The following RIPOR3 variants were observed in gnomAD, a reference collection of about 807,000 sequenced individuals.
RIPOR3 encodes the protein RIPOR family member 3.
In RIPOR3, 95 loss-of-function variants were observed where a neutral mutation model predicts 114.3. The ratio of observed to expected loss-of-function variants is 0.83; its 90% CI spans 0.70 to 0.99. The LOEUF (loss-of-function observed/expected upper bound fraction) is 0.99. Ranked by LOEUF, RIPOR3 falls within the 50% of genes least tolerant of loss-of-function variation. The pLI, the probability that RIPOR3 is intolerant of heterozygous loss-of-function variation, is 0.00. For synonymous variants in RIPOR3, 575 were observed against 543.8 expected (o/e 1.06, Z -0.80); for missense variants, 1,252 against 1,266.9 (o/e 0.99, Z 0.18).
At chr20:50,673,942 T>C (rs147728386) in intron 1 of RIPOR3, among the ~76,000 whole-genome samples, 1 of 152,312 alleles carries the variant, frequency 6.6e-6, no homozygotes, top group Non-Finnish European at 1.5e-5. Flanking sequence ...CCCAAAATGT[T>C]ACCAGATGTC....
chr20:50,600,929 T>C (rs1426763162), intron 13 of RIPOR3, among the ~76,000 whole-genome samples: 2 of 152,244 alleles, frequency 1.3e-5, no homozygotes, highest in Non-Finnish European at 2.9e-5. Flanking sequence ...CTATGTTGAT[T>C]TGTCCTGTTG....
chr20:50,686,519 C>T (rs986051988), intron 1 of RIPOR3, among the ~76,000 whole-genome samples: 3 of 151,884 alleles, frequency 2.0e-5, no homozygotes, highest in African/African-American at 4.8e-5. Flanking sequence ...GAGGCCTACG[C>T]GGGTAGATCA....
At chr20:50,599,371 AAC>A (rs774429062) in intron 13 of RIPOR3, among the ~76,000 whole-genome samples, 1 of 152,018 alleles carries the variant, frequency 6.6e-6, no homozygotes, top group Non-Finnish European at 1.5e-5. Context: ...CAGCCTGGAC[AAC>A]AGAGTGAGAC....
chr20:50,666,625 T>A (rs2086258513), intron 1 of RIPOR3, among the ~76,000 whole-genome samples: 1 of 151,474 alleles, frequency 6.6e-6, no homozygotes, highest in Non-Finnish European at 1.5e-5. Context: ...AGTGCGGTGG[T>A]GCCATCTCAG....
intron 4 of RIPOR3, among the ~76,000 whole-genome samples, chr20:50,614,962 C>G (rs1380638037): frequency 6.6e-6 from 1 of 151,834 alleles, no homozygotes; most frequent in Non-Finnish European, 1.5e-5. Flanking sequence ...GAGGCTGAGG[C>G]AGGACAATCG....
At position 50,604,659 on chromosome 20, in the gene RIPOR3, C is replaced by T. The variant is rs2083635757; in HGVS notation, c.1072G>A (p.Glu358Lys). 1.9e-6 allele frequency: 3 copies of T among 1,607,738 alleles called. No homozygotes were observed. The highest frequency in any genetic ancestry group is 1.3e-5 in the African/African-American group (1 of 74,338). ...WTPPSTPSFR[E>K]RYYLSVLQQP... ...GGCTCACTCACCAGGTAGTATCTCT[C>T]CCGGAAGCTGGGGGTGCTCGGGGGT... Residue 358 changes from glutamate to lysine, a missense_variant, in exon 12 of 22, where the codon GAG becomes AAG. Transcript: ENST00000327979.
chr20:50,594,572 G>A lies in RIPOR3; in HGVS notation c.2193C>T (p.Tyr731=). 1 of 1,614,074 alleles carries A rather than the reference G, an allele frequency of 6.2e-7. No homozygotes were observed. Among genetic ancestry groups the A allele is most frequent in the Non-Finnish European group, 8.5e-7 (1 of 1,179,988 alleles). ...ACCCACCTATTTCCAGCTGTCCTGG[G>A]TACTTCCCTCTGACTCTGTGCTGGA... is the stretch of plus-strand genomic sequence containing the variant. ...KTFQHRVRGK[Y]PGQLEIACRR... The change falls in exon 17 of 22, where the codon TAC becomes TAT. Residue 731 remains tyrosine, a synonymous_variant. Coordinates refer to ENST00000327979, the MANE Select transcript of RIPOR3 (RefSeq NM_001290268.2).
At chr20:50,664,021 G>A (rs920886805) in intron 1 of RIPOR3, among the ~76,000 whole-genome samples, 2 of 150,380 alleles carry the variant, frequency 1.3e-5, no homozygotes, top group Non-Finnish European at 2.9e-5. Context: ...CCGCCTCCCG[G>A]CTTCAAGCGA....
At chr20:50,644,837 A>ATT (rs1201285050) in intron 1 of RIPOR3, among the ~76,000 whole-genome samples, 2 of 106,708 alleles carry the variant, frequency 1.9e-5, no homozygotes, top group African/African-American at 1.1e-4. Flanking sequence ...TTTATTTTTT[A>ATT]TTTTTTATTT....
chr20:50,588,493 C>T (rs902655351), intron 20 of RIPOR3, among the ~76,000 whole-genome samples: 3 of 152,184 alleles, frequency 2.0e-5, no homozygotes, highest in African/African-American at 7.2e-5. Flanking sequence ...AAGCGGGCAT[C>T]CCCTCACATC....
intron 2 of RIPOR3, among the ~76,000 whole-genome samples, chr20:50,620,521 G>A (rs752949797): frequency 6.6e-5 from 10 of 152,040 alleles, no homozygotes; most frequent in African/African-American, 9.7e-5. Context: ...CACTTACTCC[G>A]GAGGCTGAGG....
chr20:50,640,765 G>A (rs1300612423), intron 1 of RIPOR3, among the ~76,000 whole-genome samples: 1 of 152,000 alleles, frequency 6.6e-6, no homozygotes, highest in Non-Finnish European at 1.5e-5. Flanking sequence ...TCCATTAGAC[G>A]CACAGGCCCA....
chr20:50,602,703 C>A lies in RIPOR3; in HGVS notation c.1087-59G>T, dbSNP rs2083551067. ...CACCCCAGGGACCACAGCAAGTCCC[C>A]CAGAGGGGCTTCCCCTGACAGACAC... On this transcript the variant is annotated intron_variant, in intron 12 of 21. Coordinates refer to ENST00000327979, the MANE Select transcript of RIPOR3 (RefSeq NM_001290268.2). This position sits in a 1 kb window ranked among gnomAD's most constrained non-coding sequence, Gnocchi z 4.3. 3.0e-6 allele frequency: 4 copies of A among 1,312,792 alleles called. No homozygotes were observed. In the East Asian group the frequency reaches 1.0e-4, roughly 34 times the overall value. 81.3% of individuals were successfully genotyped at this position (1,312,792 alleles called of 1,614,324 possible). A position where few individuals can be genotyped will look rare whatever the true frequency, so the allele number is the denominator to read the frequency against.
chr20:50,642,941 A>C (rs1377102931), intron 1 of RIPOR3, among the ~76,000 whole-genome samples: 3 of 151,924 alleles, frequency 2.0e-5, no homozygotes, highest in Non-Finnish European at 4.4e-5. Context: ...CCAGCTACTC[A>C]GGAGGCTGAG....
chr20:50,634,354 C>T (rs769321222), intron 1 of RIPOR3, among the ~76,000 whole-genome samples: 10 of 152,122 alleles, frequency 6.6e-5, no homozygotes, highest in African/African-American at 2.4e-4. Flanking sequence ...GATTGGCTTC[C>T]TGGCTAAACC....
intron 1 of RIPOR3, among the ~76,000 whole-genome samples, chr20:50,670,729 G>A (rs933942016): frequency 5.9e-5 from 9 of 152,112 alleles, no homozygotes; most frequent in East Asian, 5.8e-4. Context: ...CCAACCCTGC[G>A]TGGCAGCAGA....
At chr20:50,669,662 G>A (rs1428733405) in intron 1 of RIPOR3, among the ~76,000 whole-genome samples, 1 of 152,152 alleles carries the variant, frequency 6.6e-6, no homozygotes, top group Non-Finnish European at 1.5e-5. Context: ...CCCTGGAGGT[G>A]CAGCAAGTTG....
chr20:50,591,031 G>A (rs922286295), intron 19 of RIPOR3, among the ~76,000 whole-genome samples: 10 of 152,008 alleles, frequency 6.6e-5, no homozygotes, highest in South Asian at 4.1e-4. Context: ...TTAAACTACC[G>A]TTAAACTTCC....
intron 11 of RIPOR3, among the ~76,000 whole-genome samples, chr20:50,607,305 G>A (rs1424225548): frequency 6.6e-6 from 1 of 152,168 alleles, no homozygotes; most frequent in East Asian, 1.9e-4. Flanking sequence ...GGAAGGGTGG[G>A]AATCCAGGCG....
Sources: gnomAD v4.1 joint callset for allele counts (sites outside exome capture counted in the v4.1 genomes callset) on GRCh38, gnomAD v4.1.1 for gene constraint, Gnocchi (gnomAD v3.1) non-coding constraint, MANE v1.5 for transcripts, NCBI Gene and HGNC (gene_info 2026-07-23, HGNC 2026-07-21) for gene names.